ENAH: variants seen among roughly 807,000 people sequenced by gnomAD.
ENAH encodes ENAH actin regulator, also known as protein enabled homolog.
ENAH carries 23 observed loss-of-function variants against 78.7 expected under a neutral mutation model. The observed-to-expected ratio is 0.29, with a 90% CI of 0.21 to 0.41. ENAH has a LOEUF of 0.41. Among genes scored for constraint, ENAH ranks in the 10% least tolerant of loss-of-function variants. ENAH has a pLI of 1.00. For missense variants in ENAH, 544 were observed against 691.0 expected (o/e 0.79, Z 2.39); for synonymous variants, 226 against 241.0 (o/e 0.94, Z 0.58).
At chr1:225,619,026 C>A (rs1656321608) in intron 1 of ENAH, among the ~76,000 whole-genome samples, 2 of 152,102 alleles carry the variant, frequency 1.3e-5, no homozygotes, top group Non-Finnish European at 2.9e-5. Context: ...CAATTCATCT[C>A]CCAAATCAGC....
At chr1:225,650,692 T>C (rs994222498) in intron 1 of ENAH, among the ~76,000 whole-genome samples, 7 of 151,124 alleles carry the variant, frequency 4.6e-5, no homozygotes, top group African/African-American at 7.3e-5. Flanking sequence ...CTACTAAAAA[T>C]ACAAAAAATT....
intron 9 of ENAH, among the ~76,000 whole-genome samples, chr1:225,512,070 T>C (rs1432519547): frequency 6.6e-6 from 1 of 152,208 alleles, no homozygotes; most frequent in Non-Finnish European, 1.5e-5. Context: ...TTTCCTCATG[T>C]GTTCTCCTTG....
chr1:225,613,566 G>C (rs1281098155), intron 1 of ENAH, among the ~76,000 whole-genome samples: 2 of 151,838 alleles, frequency 1.3e-5, no homozygotes, highest in South Asian at 2.1e-4. Flanking sequence ...TATACAACTA[G>C]ATCAACAAAC....
At position 225,514,625 on chromosome 1, in the gene ENAH, C is replaced by T. The variant is rs1483209891; in HGVS notation, c.1189G>A (p.Ala397Thr). 4.4e-6 allele frequency: 7 copies of T among 1,607,796 alleles called. No individual in the cohort carries two copies. The highest frequency in any genetic ancestry group is 5.9e-6 in the Non-Finnish European group (7 of 1,177,808). The change falls in exon 7 of 14, where the codon GCC becomes ACC. Residue 397 changes from alanine to threonine, a missense_variant. By Grantham distance (58) the Ala-to-Thr change is moderately conservative. This residue lies in a region of ENAH where 366 missense variants were observed against 396.1 expected (regional missense o/e 0.92). Coordinates refer to ENST00000366843, the MANE Select transcript of ENAH (RefSeq NM_018212.6). ...RPLTGLAAAI[A>T]GAKLRKVSRM... The stretch of plus-strand genomic sequence containing the variant: ...GACACTTTCCTAAGTTTTGCTCCGG[C>T]AATTGCAGCTGCAAGTCCAGTTAAA...
intron 1 of ENAH, among the ~76,000 whole-genome samples, chr1:225,569,563 A>C (rs2096750683): frequency 6.6e-6 from 1 of 152,238 alleles, no homozygotes; most frequent in African/African-American, 2.4e-5. Context: ...AGGTCACTTC[A>C]TGCCTCAAAA....
intron 1 of ENAH, among the ~76,000 whole-genome samples, chr1:225,570,013 C>A (rs2096752955): frequency 6.6e-6 from 1 of 151,966 alleles, no homozygotes; most frequent in African/African-American, 2.4e-5. Context: ...CGAGACCAGC[C>A]TGGCCAACAT....
chr1:225,591,194 C>A (rs900593042), intron 1 of ENAH, among the ~76,000 whole-genome samples: 1 of 152,200 alleles, frequency 6.6e-6, no homozygotes, highest in African/African-American at 2.4e-5. Context: ...TCAGGCCAGG[C>A]GCGGTGGCTC....
chr1:225,638,929 G>A (rs933480167), intron 1 of ENAH, among the ~76,000 whole-genome samples: 5 of 152,144 alleles, frequency 3.3e-5, no homozygotes, highest in South Asian at 2.1e-4. Flanking sequence ...AAAAATATCC[G>A]CTAATGAACT....
At chr1:225,631,804 T>C (rs1167252478) in intron 1 of ENAH, among the ~76,000 whole-genome samples, 3 of 152,068 alleles carry the variant, frequency 2.0e-5, no homozygotes, top group Non-Finnish European at 4.4e-5. Context: ...AGTTGTTTTG[T>C]TTTGTTTTGT....
intron 4 of ENAH, chr1:225,524,511 T>C: frequency 4.7e-6 from 3 of 637,422 alleles, no homozygotes; most frequent in Non-Finnish European, 5.9e-6. Context: ...CACTTCACTA[T>C]CAGTAAACAA....
At chr1:225,503,360 G>A (rs567954560) in intron 11 of ENAH, among the ~76,000 whole-genome samples, 4 of 152,132 alleles carry the variant, frequency 2.6e-5, no homozygotes, top group African/African-American at 9.6e-5. Flanking sequence ...CATGATCTCA[G>A]CTCACCGCAG....
At chr1:225,502,470 A>G (rs999571849) in intron 11 of ENAH, among the ~76,000 whole-genome samples, 1 of 152,158 alleles carries the variant, frequency 6.6e-6, no homozygotes, top group African/African-American at 2.4e-5. Context: ...TCAGCCTCCC[A>G]AATTGCTGGG....
intron 1 of ENAH, among the ~76,000 whole-genome samples, chr1:225,615,818 T>C (rs1380186452): frequency 1.3e-5 from 2 of 152,058 alleles, no homozygotes; most frequent in South Asian, 4.2e-4. Flanking sequence ...CGCCACCCCG[T>C]CTGGGAGGTG....
At chr1:225,507,885 C>T (rs1575329210) in intron 11 of ENAH, 66 bp downstream of exon 11, 1 of 1,157,620 alleles carries the variant, frequency 8.6e-7, no homozygotes, top group East Asian at 2.7e-5. Context: ...TTTTTTTCTA[C>T]ACTAAGAATG....
At chr1:225,634,750 A>C (rs765782555) in intron 1 of ENAH, among the ~76,000 whole-genome samples, 5 of 152,188 alleles carry the variant, frequency 3.3e-5, no homozygotes, top group Non-Finnish European at 7.4e-5. Context: ...TCTCTATTCT[A>C]TTCACTGGTC....
intron 3 of ENAH, among the ~76,000 whole-genome samples, chr1:225,532,291 T>TAA (rs2096541791): frequency 1.3e-5 from 2 of 152,094 alleles, no homozygotes; most frequent in African/African-American, 4.8e-5. Context: ...GGGAATGTAC[T>TAA]TTATATATCC....
At chr1:225,499,858 T>C (rs2096272162) in intron 12 of ENAH, among the ~76,000 whole-genome samples, 1 of 152,238 alleles carries the variant, frequency 6.6e-6, no homozygotes, top group Non-Finnish European at 1.5e-5. Flanking sequence ...AGTTTACCTT[T>C]TGAAAAGCTT....
Position 225,501,032 on chromosome 1 carries a change from C to T in ENAH, c.1577G>A (p.Gly526Glu). The T allele has an allele frequency of 1.9e-6, 3 of 1,614,124 alleles. No individual in the cohort carries two copies. Among genetic ancestry groups the T allele is most frequent in the Non-Finnish European group, 1.7e-6 (2 of 1,180,010 alleles). ...ATAGTCAAGTCCTTCCGTCTGGACT[C>T]CATTGGCACTGGGCTGTGATAAGGG... The part of the protein sequence containing the change: ...STPLSQPSAN[G>E]VQTEGLDYDR... Residue 526 changes from glycine to glutamate, a missense_variant, in exon 12 of 14, where the codon GGA (glycine) becomes GAA (glutamate). This residue lies in a region of ENAH where 97 missense variants were observed against 124.4 expected (regional missense o/e 0.78). Coordinates refer to ENST00000366843, the MANE Select transcript of ENAH (RefSeq NM_018212.6).
intron 13 of ENAH, 69 bp from the exon 14 acceptor site, chr1:225,497,881 C>T: frequency 7.1e-7 from 1 of 1,411,632 alleles, no homozygotes; most frequent in Middle Eastern, 1.8e-4. Flanking sequence ...TGATTCATTC[C>T]TAAGAAACTT....
Sources: allele counts gnomAD v4.1 joint callset (sites outside exome capture counted in the v4.1 genomes callset), GRCh38; gene constraint gnomAD v4.1.1; regional missense constraint gnomAD v4.1.1; transcripts MANE v1.5; gene names NCBI Gene and HGNC (gene_info 2026-07-23, HGNC 2026-07-21).